The following ATP10D variants were observed in gnomAD, a reference collection of about 807,000 sequenced individuals.
The protein encoded by ATP10D is ATPase phospholipid transporting 10D (putative).
Under a neutral mutation model 144.8 loss-of-function variants are expected in ATP10D, and 89 were observed. The ratio of observed to expected loss-of-function variants is 0.61; its 90% CI spans 0.52 to 0.73. The LOEUF (loss-of-function observed/expected upper bound fraction) is 0.73. Ranked by LOEUF, ATP10D falls within the 30% of genes least tolerant of loss-of-function variation. The pLI, the probability that ATP10D is intolerant of heterozygous loss-of-function variation, is 0.00. For synonymous variants in ATP10D, 571 were observed against 615.1 expected, an observed-to-expected ratio of 0.93 and a Z score of 1.06; for missense variants, 1,603 against 1,714.8, an observed-to-expected ratio of 0.93 and a Z score of 1.15.
chr4:47,590,980 G>GT (rs71199986), intron 22 of ATP10D, 62 bp from the exon 23 acceptor site: 315,404 of 1,141,772 alleles, frequency 0.28, 50,844 homozygotes, highest in Admixed American at 0.41. Context: ...AGTATTTGGG[G>GT]GGGGGGGTTC....
At chr4:47,487,512 C>A (rs1714835250) in intron 1 of ATP10D, among the ~76,000 whole-genome samples, 1 of 152,130 alleles carries the variant, frequency 6.6e-6, no homozygotes, top group Non-Finnish European at 1.5e-5. Context: ...TCTGAGAATT[C>A]TCACAGAACA....
At chr4:47,491,298 TG>T in intron 1 of ATP10D, 1 of 892,998 alleles carries the variant, frequency 1.1e-6, no homozygotes, top group Non-Finnish European at 1.9e-6. Flanking sequence ...ATGGTAACAC[TG>T]GTGGGGCATT....
At chr4:47,508,935 A>G (rs1018115217) in intron 1 of ATP10D, among the ~76,000 whole-genome samples, 5 of 152,224 alleles carry the variant, frequency 3.3e-5, no homozygotes, top group Admixed American at 3.3e-4. Flanking sequence ...ATGATTTGTG[A>G]TAACGCTTGA....
intron 1 of ATP10D, among the ~76,000 whole-genome samples, chr4:47,487,295 T>A (rs892033627): frequency 1.5e-4 from 23 of 150,320 alleles, no homozygotes; most frequent in African/African-American, 5.6e-4. Flanking sequence ...CGAAGGGAAA[T>A]GCTCAAATAT....
intron 5 of ATP10D, among the ~76,000 whole-genome samples, chr4:47,529,712 T>C (rs1413230491): frequency 6.6e-6 from 1 of 152,212 alleles, no homozygotes; most frequent in Non-Finnish European, 1.5e-5. Context: ...TTACGTTGAA[T>C]CTGTAGATTT....
Position 47,558,226 on chromosome 4 carries a change from A to G in ATP10D, c.2387A>G (p.Lys796Arg), listed in dbSNP as rs1326405821. The change falls in exon 12 of 23, where the codon AAA becomes AGA. Residue 796 changes from lysine (K) to arginine (R), a missense_variant. By Grantham distance (26) the Lys-to-Arg change is conservative. Transcript: ENST00000273859. The stretch of plus-strand genomic sequence containing the variant: ...TCCAATCAAGTTGTGGTGTATACGA[A>G]AGGCGCTGATTCTGTGATCATGGAG... ...PLSNQVVVYT[K>R]GADSVIMELL... The G allele has an allele frequency of 6.2e-7, 1 of 1,614,018 alleles. No individual in the cohort carries two copies. The highest frequency in any genetic ancestry group is 1.3e-5 in the African/African-American group (1 of 74,920).
At chr4:47,559,797 C>G (rs910211061) in intron 13 of ATP10D, among the ~76,000 whole-genome samples, 3 of 152,076 alleles carry the variant, frequency 2.0e-5, no homozygotes, top group African/African-American at 7.2e-5. Context: ...GTCAGGAGTT[C>G]AAGATCAGCC....
chr4:47,544,915 G>T (rs1718333037), intron 9 of ATP10D, among the ~76,000 whole-genome samples: 1 of 152,016 alleles, frequency 6.6e-6, no homozygotes, highest in Non-Finnish European at 1.5e-5. Context: ...TTCACATAAG[G>T]CCCCTGCTCT....
intron 5 of ATP10D, among the ~76,000 whole-genome samples, chr4:47,526,938 G>A (rs1717278941): frequency 6.6e-6 from 1 of 152,062 alleles, no homozygotes; most frequent in Admixed American, 6.6e-5. Flanking sequence ...TCTCAGCAAG[G>A]TCTTTAAGAA....
At chr4:47,552,316 G>A (rs114887291) in intron 10 of ATP10D, among the ~76,000 whole-genome samples, 2,007 of 152,218 alleles carry the variant, frequency 0.013, 29 homozygotes, top group African/African-American at 0.045. Flanking sequence ...CAGGCTGCCA[G>A]AACAAAATAC....
At chr4:47,492,801 C>T (rs1179494490) in intron 1 of ATP10D, among the ~76,000 whole-genome samples, 1 of 152,234 alleles carries the variant, frequency 6.6e-6, no homozygotes, top group South Asian at 2.1e-4. Context: ...AACAAAATAA[C>T]TAATGTTACC....
intron 9 of ATP10D, among the ~76,000 whole-genome samples, chr4:47,540,248 A>G (rs915597253): frequency 6.6e-6 from 1 of 152,206 alleles, no homozygotes; most frequent in Non-Finnish European, 1.5e-5. Flanking sequence ...AGTGTTGCCT[A>G]GGAGACAATT....
chr4:47,578,274 CA>C (rs1383936737), intron 19 of ATP10D: 3 of 152,210 alleles, frequency 2.0e-5, no homozygotes, highest in African/African-American at 7.2e-5. Context: ...TTCCTGTGTT[CA>C]GTGTCATGAA....
At chr4:47,527,193 CAT>C (rs1430041962) in intron 5 of ATP10D, among the ~76,000 whole-genome samples, 3 of 152,006 alleles carry the variant, frequency 2.0e-5, no homozygotes, top group Non-Finnish European at 4.4e-5. Flanking sequence ...TGCAAAGACA[CAT>C]AGATGGAGAA....
chr4:47,509,787 TA>T (rs1716214803), intron 1 of ATP10D, among the ~76,000 whole-genome samples: 3 of 152,198 alleles, frequency 2.0e-5, no homozygotes, highest in African/African-American at 7.2e-5. Context: ...ACACTATCAG[TA>T]TCTTTTTACC....
Position 47,525,539 on chromosome 4 carries a change from T to C in ATP10D, c.691-18T>C. The C allele has an allele frequency of 4.5e-6, 7 of 1,570,604 alleles. No homozygotes were observed. The highest frequency in any genetic ancestry group is 6.1e-6 in the Non-Finnish European group (7 of 1,141,190). ...TTAACCTTGAATTCTTATTTTGTGA[T>C]TCAAAAAATATTTTTAGGACTCTGA... On this transcript the variant is annotated intron_variant, in intron 4 of 22. Coordinates refer to ENST00000273859, the MANE Select transcript of ATP10D (RefSeq NM_020453.4).
At chr4:47,547,955 G>T (rs1043403466) in intron 10 of ATP10D, among the ~76,000 whole-genome samples, 5 of 152,130 alleles carry the variant, frequency 3.3e-5, no homozygotes, top group African/African-American at 1.2e-4. Flanking sequence ...TTTTGAAATG[G>T]AAGAAGAATG....
Position 47,525,654 on chromosome 4 carries a change from A to ATGATGAACATT in ATP10D, c.776+15_776+25dup. 2 of 1,587,530 alleles carry ATGATGAACATT rather than the reference A, an allele frequency of 1.3e-6. No homozygotes were observed. The highest frequency in any genetic ancestry group is 2.2e-5 in the South Asian group (2 of 90,302). The stretch of plus-strand genomic sequence containing the variant: ...TTCCGAGGCTTCCTGTGAGTAATAC[A>ATGATGAACATT]TGATGAACATTTGTGGGTGTAAGTG... On this transcript the variant is annotated intron_variant, in intron 5 of 22. Transcript: ENST00000273859.
chr4:47,577,117 A>T, intron 19 of ATP10D, 144 bp downstream of exon 19: 8 of 728,806 alleles, frequency 1.1e-5, no homozygotes, highest in Non-Finnish European at 1.6e-5. Flanking sequence ...TATGTGGCAG[A>T]TATTCACTTA....
Sources: gnomAD v4.1 joint callset for allele counts (sites outside exome capture counted in the v4.1 genomes callset) on GRCh38, gnomAD v4.1.1 for gene constraint, MANE v1.5 for transcripts, NCBI Gene and HGNC (gene_info 2026-07-23, HGNC 2026-07-21) for gene names.